The following PATJ variants were observed in gnomAD, a reference collection of about 807,000 sequenced individuals.
The protein encoded by PATJ is inaD-like protein.
In PATJ, 190 loss-of-function variants were observed where a neutral mutation model predicts 224.9. The ratio of observed to expected loss-of-function variants is 0.84; its 90% CI spans 0.75 to 0.95. PATJ has a LOEUF of 0.95. Ranked by LOEUF, PATJ falls within the 40% of genes least tolerant of loss-of-function variation. The probability of loss-of-function intolerance (pLI) is 0.00; values close to 1 mark genes in which losing one functional copy is unlikely to be tolerated. For synonymous variants in PATJ, 769 were observed against 820.3 expected, an observed-to-expected ratio of 0.94 and a Z score of 1.07; for missense variants, 2,121 against 2,270.3, an observed-to-expected ratio of 0.93 and a Z score of 1.34.
chr1:62,035,281 T>C (rs139235666), intron 29 of PATJ, among the ~76,000 whole-genome samples: 3 of 152,290 alleles, frequency 2.0e-5, no homozygotes, highest in African/African-American at 7.2e-5. Flanking sequence ...CTATGTCACT[T>C]TATAGTTGTA....
intron 34 of PATJ, among the ~76,000 whole-genome samples, chr1:62,110,846 C>G (rs75024737): frequency 6.6e-6 from 1 of 152,152 alleles, no homozygotes; most frequent in African/African-American, 2.4e-5. Flanking sequence ...CTTCCTGGAG[C>G]CTTTCTTCTC....
At chr1:62,089,387 T>TAAA (rs11371202) in intron 33 of PATJ, among the ~76,000 whole-genome samples, 195 of 143,918 alleles carry the variant, frequency 1.4e-3, no homozygotes, top group African/African-American at 4.9e-3. Context: ...GTGAGGCAGC[T>TAAA]AAAAAAAAAA....
At chr1:61,809,341 C>T (rs566631605) in intron 14 of PATJ, among the ~76,000 whole-genome samples, 1 of 152,076 alleles carries the variant, frequency 6.6e-6, no homozygotes, top group South Asian at 2.1e-4. Context: ...AAGTGCTGAG[C>T]CTACCTTAAA....
At chr1:62,049,494 T>C (rs1653194436) in intron 30 of PATJ, among the ~76,000 whole-genome samples, 1 of 152,188 alleles carries the variant, frequency 6.6e-6, no homozygotes, top group South Asian at 2.1e-4. Flanking sequence ...CTATAAACTA[T>C]TTCAGCCAAA....
intron 19 of PATJ, 122 bp from the exon 20 acceptor site, chr1:61,864,116 G>C: frequency 1.4e-6 from 1 of 713,446 alleles, no homozygotes; most frequent in Non-Finnish European, 2.3e-6. Flanking sequence ...GGAGAGCTGT[G>C]CATGTTAGCT....
intron 27 of PATJ, among the ~76,000 whole-genome samples, chr1:61,971,240 C>T (rs985507671): frequency 6.6e-6 from 1 of 152,156 alleles, no homozygotes; most frequent in South Asian, 2.1e-4. Flanking sequence ...GTCATTGTCT[C>T]TCTACACTCT....
In PATJ at chr1:61,911,732, A is replaced by C. The variant is rs939747047; in HGVS notation, c.3493-2855A>C. Among the ~76,000 whole-genome samples the C allele has an allele frequency of 3.5e-5, 5 of 143,732 alleles. No individual in the cohort carries two copies. In the South Asian group the frequency reaches 1.1e-3, roughly 30 times the overall value. 94.3% of individuals were successfully genotyped at this position (143,732 alleles called of 152,430 possible). ...ATATATATATATCATATATATGACAAGTCAGATAGTTTCTGACTTGTCAGG... is the reference window on the plus strand; with the variant it reads ...ATATATATATATCATATATATGACACGTCAGATAGTTTCTGACTTGTCAGG... On this transcript the variant is annotated intron_variant, in intron 25 of 43. Transcript: ENST00000642238.
intron 30 of PATJ, chr1:62,038,842 AT>A: frequency 2.8e-6 from 2 of 712,554 alleles, no homozygotes; most frequent in Non-Finnish European, 5.2e-6. Context: ...GGTGGGTGGG[AT>A]GGAGGCGACC....
chr1:61,831,914 TG>T (rs1393999104), intron 16 of PATJ, among the ~76,000 whole-genome samples: 1 of 152,080 alleles, frequency 6.6e-6, no homozygotes, highest in East Asian at 1.9e-4. Flanking sequence ...AGCAAAGACA[TG>T]GAACAAACCT....
At chr1:62,126,009 G>C (rs1408875105) in intron 39 of PATJ, among the ~76,000 whole-genome samples, 1 of 152,162 alleles carries the variant, frequency 6.6e-6, no homozygotes, top group Non-Finnish European at 1.5e-5. Flanking sequence ...GACCTCGAGT[G>C]TTCCACCCAC....
intron 31 of PATJ, among the ~76,000 whole-genome samples, chr1:62,060,452 C>G (rs1053652736): frequency 2.2e-4 from 34 of 152,104 alleles, no homozygotes; most frequent in African/African-American, 8.2e-4. Context: ...ATTGCAACCT[C>G]AAACTCCAGG....
intron 33 of PATJ, among the ~76,000 whole-genome samples, chr1:62,092,726 T>TTTTATTTATTTATTTATTTATTTA (rs150393814): frequency 6.0e-5 from 9 of 150,818 alleles, no homozygotes; most frequent in African/African-American, 2.0e-4. Flanking sequence ...AGAAAACGAC[T>TTTTATTTATTTATTTATTTATTTA]TTTATTTATT....
At chr1:62,124,338 C>A (rs1665449969) in intron 39 of PATJ, among the ~76,000 whole-genome samples, 1 of 152,166 alleles carries the variant, frequency 6.6e-6, no homozygotes, top group Non-Finnish European at 1.5e-5. Flanking sequence ...CCACCTCAGC[C>A]TTCTGAAGTG....
At position 61,864,372 on chromosome 1, in the gene PATJ, T is replaced by C; in HGVS notation, c.2574T>C (p.Thr858=). The change falls in exon 20 of 44, where the codon ACT becomes ACC. Residue 858 remains threonine (T), a synonymous_variant. Coordinates refer to ENST00000642238, the MANE Select transcript of PATJ (RefSeq NM_001350145.3). ...KEAWEMHEFL[T]PRLQEMDEER... ...CCTGGGAGATGCATGAATTTCTGAC[T>C]CCTAGATTGCAGGAAATGGATGAAG... The C allele has an allele frequency of 6.2e-7, 1 of 1,614,118 alleles. No homozygotes were observed. The highest frequency in any genetic ancestry group is 8.5e-7 in the Non-Finnish European group (1 of 1,179,942).
intron 43 of PATJ, among the ~76,000 whole-genome samples, chr1:62,159,537 T>G (rs1669636311): frequency 6.7e-6 from 1 of 148,836 alleles, no homozygotes; most frequent in South Asian, 2.1e-4. Flanking sequence ...GCCCACAGTA[T>G]AGACCTGATT....
chr1:61,939,317 T>TCACA (rs60430174), intron 27 of PATJ, among the ~76,000 whole-genome samples: 30,126 of 142,220 alleles, frequency 0.21, 3,336 homozygotes, highest in African/African-American at 0.25. Context: ...AACTTTGCAT[T>TCACA]CACACACACA....
intron 20 of PATJ, among the ~76,000 whole-genome samples, chr1:61,871,511 G>GTA (rs1557793655): frequency 1.1e-4 from 13 of 119,118 alleles, no homozygotes; most frequent in African/African-American, 1.5e-4. Context: ...ACATATATAC[G>GTA]CATATATATA....
chr1:61,985,222 G>A (rs926353362), intron 27 of PATJ, among the ~76,000 whole-genome samples: 2 of 152,002 alleles, frequency 1.3e-5, no homozygotes, highest in African/African-American at 2.4e-5. Context: ...TGAGGCAGGG[G>A]AATCGCTTGA....
At chr1:62,136,015 ATTTTTT>A (rs374594803) in intron 41 of PATJ, among the ~76,000 whole-genome samples, 4 of 63,902 alleles carry the variant, frequency 6.3e-5, no homozygotes, top group African/African-American at 2.6e-4. Context: ...AGACCATTAG[ATTTTTT>A]TTTTTTTTTT....
Sources: gnomAD v4.1 joint callset for allele counts (sites outside exome capture counted in the v4.1 genomes callset) on GRCh38, gnomAD v4.1.1 for gene constraint, MANE v1.5 for transcripts, NCBI Gene and HGNC (gene_info 2026-07-23, HGNC 2026-07-21) for gene names.